Variants in FAM178B observed in about 807,000 individuals in gnomAD.
The protein encoded by FAM178B is protein FAM178B.
Under a neutral mutation model 91.7 loss-of-function variants are expected in FAM178B, and 82 were observed. That is an observed-to-expected ratio of 0.89 (90% CI 0.75 to 1.07). The LOEUF (loss-of-function observed/expected upper bound fraction) is 1.07. Among genes scored for constraint, FAM178B ranks in the 50% least tolerant of loss-of-function variants. The pLI is 0.00. For synonymous variants in FAM178B, 368 were observed against 359.4 expected (o/e 1.02, Z -0.27); for missense variants, 769 against 846.7 (o/e 0.91, Z 1.14).
intron 8 of FAM178B, among the ~76,000 whole-genome samples, chr2:96,934,731 G>A (rs184163134): frequency 6.6e-5 from 10 of 152,204 alleles, no homozygotes; most frequent in Admixed American, 1.3e-4. Flanking sequence ...CTCTCTCACC[G>A]GCTCTTTTCC....
chr2:96,921,134 A>G (rs913049922), intron 12 of FAM178B, 31 bp downstream of exon 12: 7 of 1,524,718 alleles, frequency 4.6e-6, no homozygotes, highest in Non-Finnish European at 4.5e-6. Flanking sequence ...TGCGTGTGAG[A>G]GGGAGGAGGC....
intron 5 of FAM178B, among the ~76,000 whole-genome samples, chr2:96,963,699 G>T (rs893032358): frequency 6.6e-6 from 1 of 152,198 alleles, no homozygotes; most frequent in Non-Finnish European, 1.5e-5. Flanking sequence ...TCCTGTGTGG[G>T]GCCTGTTTCT....
intron 13 of FAM178B, among the ~76,000 whole-genome samples, chr2:96,894,613 C>T (rs1426007644): frequency 3.3e-4 from 34 of 102,430 alleles, no homozygotes; most frequent in African/African-American, 1.3e-3. Flanking sequence ...CCTACATACA[C>T]ACCCACTCAC....
intron 5 of FAM178B, among the ~76,000 whole-genome samples, chr2:96,964,094 C>T (rs1384909174): frequency 2.0e-5 from 3 of 151,946 alleles, no homozygotes; most frequent in East Asian, 1.9e-4. Context: ...GCATGAGAAT[C>T]GTTTGAACCT....
At chr2:96,964,961 C>G (rs1336363274) in intron 5 of FAM178B, among the ~76,000 whole-genome samples, 1 of 152,132 alleles carries the variant, frequency 6.6e-6, no homozygotes. Context: ...CTGCTGTTCT[C>G]TCTCCCCAGG....
At chr2:96,974,243 G>A (rs1252298870) in intron 1 of FAM178B, among the ~76,000 whole-genome samples, 1 of 150,438 alleles carries the variant, frequency 6.6e-6, no homozygotes, top group African/African-American at 2.4e-5. Context: ...TTAGCCAGGT[G>A]TGGTGGTGGA....
intron 14 of FAM178B, among the ~76,000 whole-genome samples, chr2:96,891,892 T>A (rs558659217): frequency 5.9e-5 from 9 of 152,260 alleles, no homozygotes; most frequent in Middle Eastern, 6.8e-3. Context: ...GCTGGGAAAG[T>A]AGGCATTTCC....
intron 5 of FAM178B, among the ~76,000 whole-genome samples, chr2:96,961,530 T>C (rs898088507): frequency 6.6e-6 from 1 of 152,210 alleles, no homozygotes; most frequent in African/African-American, 2.4e-5. Flanking sequence ...CTTCATTTTA[T>C]AGCAATATAA....
chr2:96,981,926 G>C (rs565076945), intron 1 of FAM178B, among the ~76,000 whole-genome samples: 3 of 151,832 alleles, frequency 2.0e-5, no homozygotes, highest in Admixed American at 2.0e-4. Flanking sequence ...AAATTAGCTG[G>C]GCATGGTGGT....
At chr2:96,968,647 C>T (rs949397612) in intron 4 of FAM178B, among the ~76,000 whole-genome samples, 2 of 151,898 alleles carry the variant, frequency 1.3e-5, no homozygotes, top group South Asian at 2.1e-4. Flanking sequence ...CCACCAGACC[C>T]ACCAGAAGCC....
At position 96,960,317 on chromosome 2, in the gene FAM178B, T is replaced by A; in HGVS notation, c.858A>T (p.Pro286=). The A allele has an allele frequency of 5.2e-6, 8 of 1,551,700 alleles. No homozygotes were observed. The highest frequency in any genetic ancestry group is 7.0e-6 in the Non-Finnish European group (8 of 1,146,978). ...PCILDSSLLK[P]RSHLEGLFLS... ...GGAACAGCCCTTCCAGGTGGCTGCGTGGCTTCAGGAGTGAGGAGTCCAGGA... is the reference window on the plus strand; with the variant it reads ...GGAACAGCCCTTCCAGGTGGCTGCGAGGCTTCAGGAGTGAGGAGTCCAGGA... Residue 286 remains proline, a synonymous_variant, in exon 6 of 17, where the codon CCA becomes CCT. Transcript: ENST00000490605.
At chr2:96,927,159 G>A (rs1266725975) in intron 9 of FAM178B, among the ~76,000 whole-genome samples, 4 of 152,140 alleles carry the variant, frequency 2.6e-5, no homozygotes, top group African/African-American at 9.7e-5. Flanking sequence ...GATGCTTCCC[G>A]AATACTCCGG....
chr2:96,876,831 A>C (rs2080254365), intron 16 of FAM178B, among the ~76,000 whole-genome samples: 1 of 151,888 alleles, frequency 6.6e-6, no homozygotes, highest in African/African-American at 2.4e-5. Context: ...TCAGGAAGGG[A>C]GGAGACCCCG....
At chr2:96,895,974 G>C (rs546979508) in intron 13 of FAM178B, among the ~76,000 whole-genome samples, 19 of 152,224 alleles carry the variant, frequency 1.2e-4, no homozygotes, top group Admixed American at 4.6e-4. Context: ...TTTTGGGAGG[G>C]GGGAGGAAGG....
At chr2:96,952,676 C>A (rs1462296332) in intron 6 of FAM178B, among the ~76,000 whole-genome samples, 1 of 152,162 alleles carries the variant, frequency 6.6e-6, no homozygotes, top group African/African-American at 2.4e-5. Context: ...TGTCACCGTT[C>A]CTGAGCTCCT....
chr2:96,933,230 G>A (rs747594428), intron 8 of FAM178B, among the ~76,000 whole-genome samples: 100 of 151,994 alleles, frequency 6.6e-4, no homozygotes, highest in Non-Finnish European at 6.5e-4. Context: ...GCAACAAAGC[G>A]AGACTCCGTT....
At chr2:96,881,800 T>C (rs1310657239) in intron 14 of FAM178B, among the ~76,000 whole-genome samples, 2 of 151,344 alleles carry the variant, frequency 1.3e-5, no homozygotes, top group African/African-American at 2.4e-5. Flanking sequence ...GGATAGTGAG[T>C]AGGAAATGGC....
intron 13 of FAM178B, chr2:96,895,198 T>C: frequency 2.0e-6 from 2 of 983,340 alleles, no homozygotes; most frequent in Non-Finnish European, 2.7e-6. Flanking sequence ...AAAGAGCTTC[T>C]ACAGAAAAGA....
intron 14 of FAM178B, among the ~76,000 whole-genome samples, chr2:96,883,301 G>A (rs1034591591): frequency 2.6e-4 from 39 of 152,242 alleles, no homozygotes; most frequent in Non-Finnish European, 5.4e-4. Context: ...CATTTCCCAG[G>A]AACTTCATCC....
Sources: allele counts gnomAD v4.1 joint callset (sites outside exome capture counted in the v4.1 genomes callset), GRCh38; gene constraint gnomAD v4.1.1; transcripts MANE v1.5; gene names NCBI Gene and HGNC (gene_info 2026-07-23, HGNC 2026-07-21).